The following BRD4 variants were observed in gnomAD, a reference collection of about 807,000 sequenced individuals.
The protein encoded by BRD4 is bromodomain containing 4, also known as bromodomain-containing protein 4.
Under a neutral mutation model 142.1 loss-of-function variants are expected in BRD4, and 16 were observed. The observed-to-expected ratio is 0.11, with a 90% CI of 0.08 to 0.17. The LOEUF is 0.17. Among genes scored for constraint, BRD4 ranks in the 10% least tolerant of loss-of-function variants. The pLI is 1.00. For missense variants in BRD4, 1,424 were observed against 1,810.9 expected (o/e 0.79, Z 3.88); for synonymous variants, 833 against 707.5 (o/e 1.18, Z -2.82).
intron 1 of BRD4, among the ~76,000 whole-genome samples, chr19:15,323,902 T>C (rs2048086032): frequency 6.6e-6 from 1 of 152,222 alleles, no homozygotes; most frequent in Non-Finnish European, 1.5e-5. Context: ...CCCAGGCATC[T>C]TTATACAATT....
At chr19:15,265,311 C>G (rs779984234) in intron 5 of BRD4, 43 bp downstream of exon 5, 3 of 1,456,772 alleles carry the variant, frequency 2.1e-6, no homozygotes, top group Non-Finnish European at 2.7e-6. Context: ...CAGGGCCGCT[C>G]TCCTCCCTGG....
At chr19:15,276,853 T>C (rs1420621026) in intron 1 of BRD4, among the ~76,000 whole-genome samples, 4 of 151,882 alleles carry the variant, frequency 2.6e-5, no homozygotes, top group African/African-American at 9.7e-5. Flanking sequence ...ATGGGGTGAA[T>C]ACTGTGGAGG....
rs537325652 is a variant in BRD4 at position 15,303,002 on chromosome 19, C to T, written c.-35+29288G>A. Among the ~76,000 whole-genome samples, 49 of 136,684 alleles carry T rather than the reference C, an allele frequency of 3.6e-4. No individual in the cohort carries two copies. In the East Asian group the frequency reaches 4.0e-3, roughly 11 times the overall value. 89.7% of individuals were successfully genotyped at this position (136,684 alleles called of 152,430 possible). On this transcript the variant is annotated intron_variant, in intron 1 of 19. Transcript: ENST00000679869. Reference sequence around the variant, plus strand: ...CAGCCTGGGCCACAGAGCGAGACTCCGTCGCAAAAAAAAAAAAAAAAAAAG... The same window carrying T: ...CAGCCTGGGCCACAGAGCGAGACTCTGTCGCAAAAAAAAAAAAAAAAAAAG...
chr19:15,290,068 G>A (rs1387304079), intron 1 of BRD4, among the ~76,000 whole-genome samples: 1 of 152,132 alleles, frequency 6.6e-6, no homozygotes, highest in Non-Finnish European at 1.5e-5. Context: ...TAAGGGTAGG[G>A]CAGGGGGTCA....
chr19:15,326,979 C>G (rs2048113573), intron 1 of BRD4, among the ~76,000 whole-genome samples: 1 of 152,190 alleles, frequency 6.6e-6, no homozygotes. Flanking sequence ...TCAAACTGTT[C>G]TGTAACCATG....
chr19:15,301,079 T>C (rs2047863301), intron 1 of BRD4, among the ~76,000 whole-genome samples: 1 of 152,130 alleles, frequency 6.6e-6, no homozygotes, highest in South Asian at 2.1e-4. Flanking sequence ...ATCCATATGA[T>C]GAAACACTAC....
intron 7 of BRD4, among the ~76,000 whole-genome samples, chr19:15,261,763 A>G (rs1239249230): frequency 6.6e-6 from 1 of 152,164 alleles, no homozygotes; most frequent in East Asian, 1.9e-4. Flanking sequence ...CAATACAGTG[A>G]CATGCCATCT....
At chr19:15,285,085 G>C (rs1001781830) in intron 1 of BRD4, among the ~76,000 whole-genome samples, 3 of 152,204 alleles carry the variant, frequency 2.0e-5, no homozygotes, top group African/African-American at 7.2e-5. Context: ...TGCCACAAGG[G>C]AGCCTTGGAT....
intron 14 of BRD4, among the ~76,000 whole-genome samples, chr19:15,242,670 G>T (rs2145509298): frequency 6.6e-6 from 1 of 152,268 alleles, no homozygotes; most frequent in South Asian, 2.1e-4. Context: ...ACTCAAGAGA[G>T]GGACCAGAGG....
intron 1 of BRD4, among the ~76,000 whole-genome samples, chr19:15,323,558 G>A (rs1257109474): frequency 6.6e-6 from 1 of 152,062 alleles, no homozygotes; most frequent in South Asian, 2.1e-4. Context: ...AACTTTGAAG[G>A]CTAATCCACC....
intron 1 of BRD4, among the ~76,000 whole-genome samples, chr19:15,296,209 G>A (rs909141004): frequency 6.6e-6 from 1 of 152,214 alleles, no homozygotes; most frequent in Non-Finnish European, 1.5e-5. Context: ...AGCCAAGATC[G>A]TGCCACTGCA....
chr19:15,270,738 C>T (rs1299700789), intron 2 of BRD4, among the ~76,000 whole-genome samples: 1 of 152,024 alleles, frequency 6.6e-6, no homozygotes, highest in Non-Finnish European at 1.5e-5. Flanking sequence ...TTTAGGGTGG[C>T]CTTATTAACA....
chr19:15,247,806 C>G (rs1172706701), intron 11 of BRD4: 1 of 232,466 alleles, frequency 4.3e-6, no homozygotes, highest in African/African-American at 2.2e-5. Flanking sequence ...GCAAACAGAG[C>G]TTAACTGGAA....
chr19:15,275,486 GA>G (rs1001884104), intron 1 of BRD4, among the ~76,000 whole-genome samples: 1 of 152,116 alleles, frequency 6.6e-6, no homozygotes, highest in African/African-American at 2.4e-5. Context: ...TTGAATTAAG[GA>G]AGTCCTCATT....
At chr19:15,244,979 G>A (rs944437641) in intron 11 of BRD4, 7 of 851,878 alleles carry the variant, frequency 8.2e-6, no homozygotes, top group Non-Finnish European at 7.0e-6. Context: ...TTTCCTAGCA[G>A]GGACTGTGCC....
rs1334182511 is a variant in BRD4 at position 15,239,463 on chromosome 19, C to T, written c.3505G>A (p.Ala1169Thr). 7 of 1,614,110 alleles carry T rather than the reference C, an allele frequency of 4.3e-6. No individual in the cohort carries two copies. Among genetic ancestry groups the T allele is most frequent in the Non-Finnish European group, 5.9e-6 (7 of 1,180,024 alleles). The change falls in exon 17 of 20, where the codon GCA (alanine) becomes ACA (threonine). Residue 1169 changes from alanine to threonine, a missense_variant. Ala to Thr is a moderately conservative substitution (Grantham distance 58). Coordinates refer to ENST00000679869, the MANE Select transcript of BRD4 (RefSeq NM_001379291.1). The surrounding 1 kb of genome is among the most constrained non-coding windows in gnomAD (Gnocchi z 7.4). The stretch of plus-strand genomic sequence containing the variant: ...TTGTCAGGGGCCCCTGGTGGCGGTG[C>T]GTTCTGCTCTGGGGGCCGGATCACA... ...RPVIRPPEQN[A>T]PPPGAPDKDK...
At chr19:15,273,158 G>A (rs1036857001) in intron 1 of BRD4, 25 bp from the exon 2 acceptor site, 29 of 1,523,950 alleles carry the variant, frequency 1.9e-5, no homozygotes, top group Middle Eastern at 3.8e-4. Context: ...AAGAGCCCCC[G>A]TGAGATATCA....
intron 1 of BRD4, among the ~76,000 whole-genome samples, chr19:15,292,776 TCAAAAAAAAAAAAAAA>T (rs1432145811): frequency 1.8e-4 from 4 of 22,458 alleles, no homozygotes; most frequent in African/African-American, 6.7e-4. Context: ...AGACTCCGTC[TCAAAAAAAAAAAAAAA>T]AAAAAAAAAA....
At chr19:15,240,391 A>G (rs1306446134) in intron 14 of BRD4, among the ~76,000 whole-genome samples, 1 of 152,212 alleles carries the variant, frequency 6.6e-6, no homozygotes, top group African/African-American at 2.4e-5. Flanking sequence ...TGGGCTTGGC[A>G]GGGCCTGGGC....
Sources: gnomAD v4.1 joint callset for allele counts (sites outside exome capture counted in the v4.1 genomes callset) on GRCh38, gnomAD v4.1.1 for gene constraint, Gnocchi (gnomAD v3.1) non-coding constraint, MANE v1.5 for transcripts, NCBI Gene and HGNC (gene_info 2026-07-23, HGNC 2026-07-21) for gene names.